ANO3: variants seen among roughly 807,000 people sequenced by gnomAD.
ANO3 encodes anoctamin 3.
A neutral mutation model predicts 144.8 loss-of-function variants in ANO3; 99 were observed. That is an observed-to-expected ratio of 0.68 (90% CI 0.58 to 0.81). The LOEUF is 0.81. Ranked by LOEUF, ANO3 falls within the 30% of genes least tolerant of loss-of-function variation. The pLI is 0.00. For missense variants in ANO3, 905 were observed against 1,202.2 expected, an observed-to-expected ratio of 0.75 and a Z score of 3.66; for synonymous variants, 414 against 392.6, an observed-to-expected ratio of 1.05 and a Z score of -0.64.
intron 1 of ANO3, among the ~76,000 whole-genome samples, chr11:26,229,942 A>T (rs563096077): frequency 2.0e-5 from 3 of 152,162 alleles, no homozygotes; most frequent in Non-Finnish European, 4.4e-5. Flanking sequence ...AGTAAAAATC[A>T]TTGTCACCCT....
chr11:26,196,185 C>G (rs1022309722), intron 1 of ANO3, among the ~76,000 whole-genome samples: 1 of 152,120 alleles, frequency 6.6e-6, no homozygotes, highest in African/African-American at 2.4e-5. Flanking sequence ...CAAATGCTCT[C>G]GAGAGTGAAT....
chr11:26,219,526 A>C (rs1852100092), intron 1 of ANO3, among the ~76,000 whole-genome samples: 1 of 152,180 alleles, frequency 6.6e-6, no homozygotes, highest in Non-Finnish European at 1.5e-5. Context: ...CCTTTTCTTC[A>C]AGACAATATA....
At chr11:26,581,124 A>G (rs1201560487) in intron 14 of ANO3, among the ~76,000 whole-genome samples, 1 of 152,210 alleles carries the variant, frequency 6.6e-6, no homozygotes, top group African/African-American at 2.4e-5. Flanking sequence ...TAACTTCCTC[A>G]CATAACTTAA....
At chr11:26,346,002 G>T (rs1855487542) in intron 1 of ANO3, among the ~76,000 whole-genome samples, 1 of 152,168 alleles carries the variant, frequency 6.6e-6, no homozygotes, top group Admixed American at 6.5e-5. Flanking sequence ...GTGGAGGAAA[G>T]GAACTGATAA....
chr11:26,543,997 G>C (rs1021413215), intron 11 of ANO3, among the ~76,000 whole-genome samples: 2 of 151,522 alleles, frequency 1.3e-5, no homozygotes, highest in African/African-American at 4.8e-5. Flanking sequence ...ATGATCACAA[G>C]AAATGATCAG....
At chr11:26,509,272 C>A (rs117249180) in intron 5 of ANO3, among the ~76,000 whole-genome samples, 1 of 152,042 alleles carries the variant, frequency 6.6e-6, no homozygotes, top group Non-Finnish European at 1.5e-5. Context: ...AAAAGAAAAT[C>A]AATTAACTAA....
At chr11:26,324,648 G>A (rs1044664321) in intron 1 of ANO3, among the ~76,000 whole-genome samples, 6 of 152,170 alleles carry the variant, frequency 3.9e-5, no homozygotes, top group Non-Finnish European at 8.8e-5. Flanking sequence ...TGTATATATA[G>A]TGAACACTTT....
chr11:26,434,391 G>A (rs191999668), intron 1 of ANO3, among the ~76,000 whole-genome samples: 6 of 151,960 alleles, frequency 3.9e-5, no homozygotes, highest in Admixed American at 6.6e-5. Flanking sequence ...TCCTGGATTC[G>A]TTGATCTTTT....
chr11:26,201,433 T>C (rs959816981), intron 1 of ANO3, among the ~76,000 whole-genome samples: 1 of 152,062 alleles, frequency 6.6e-6, no homozygotes, highest in African/African-American at 2.4e-5. Flanking sequence ...TTCAGGTAGA[T>C]TTTATTCTGC....
chr11:26,631,123 G>A (rs1412687959), intron 18 of ANO3, among the ~76,000 whole-genome samples: 1 of 151,774 alleles, frequency 6.6e-6, no homozygotes, highest in African/African-American at 2.4e-5. Flanking sequence ...TTATTGATAG[G>A]ATGTTTAGTA....
chr11:26,598,506 T>G, intron 15 of ANO3, 59 bp downstream of exon 15: 11 of 1,209,426 alleles, frequency 9.1e-6, no homozygotes, highest in Non-Finnish European at 1.3e-5. Flanking sequence ...TATGGAAAAT[T>G]ACTGCCCTAG....
At position 26,547,507 on chromosome 11, in the gene ANO3, G is replaced by A. The variant is rs566590577; in HGVS notation, c.1246G>A (p.Val416Ile). 173 of 1,611,938 alleles carry A rather than the reference G, an allele frequency of 1.1e-4. 2 individuals are homozygous for A. In the South Asian group the frequency reaches 1.6e-3, roughly 15 times the overall value. The change falls in exon 12 of 27, where the codon GTT (valine) becomes ATT (isoleucine). Residue 416 changes from valine (V) to isoleucine (I), a missense_variant. By Grantham distance (29) the Val-to-Ile change is conservative. This residue lies in a region of ANO3 where 597 missense variants were observed against 865.1 expected (regional missense o/e 0.69). Transcript: ENST00000256737. ...LIPAAIVGLC[V>I]FFYGLFTMNN... ...TCCTGCAGCAATTGTTGGTTTGTGCGTTTTCTTCTATGGATTATTTACAAT... is the reference window on the plus strand; with the variant it reads ...TCCTGCAGCAATTGTTGGTTTGTGCATTTTCTTCTATGGATTATTTACAAT...
At chr11:26,221,379 C>T (rs577120276) in intron 1 of ANO3, among the ~76,000 whole-genome samples, 4 of 152,252 alleles carry the variant, frequency 2.6e-5, no homozygotes, top group Admixed American at 2.6e-4. Context: ...GTCACTATAG[C>T]CTGTGACAGA....
At chr11:26,218,334 C>A (rs1852074406) in intron 1 of ANO3, among the ~76,000 whole-genome samples, 1 of 141,198 alleles carries the variant, frequency 7.1e-6, no homozygotes, top group South Asian at 2.3e-4. Flanking sequence ...CAATCTAGAA[C>A]CCTTGACTGG....
At chr11:26,565,076 C>A in intron 14 of ANO3, 2 of 1,285,170 alleles carry the variant, frequency 1.6e-6, no homozygotes, top group Non-Finnish European at 1.0e-6. Context: ...TCTGTTTTTC[C>A]AGCATGGTGA....
In ANO3 at chr11:26,502,458, C is replaced by T. The variant is rs1008864727; in HGVS notation, c.433-5646C>T. Among the ~76,000 whole-genome samples the T allele has an allele frequency of 2.0e-5, 3 of 152,230 alleles. No homozygotes were observed. In the East Asian group the frequency reaches 5.8e-4, roughly 29 times the overall value. On this transcript the variant is annotated intron_variant, in intron 4 of 26. Coordinates refer to ENST00000256737, the MANE Select transcript of ANO3 (RefSeq NM_031418.4). Reference sequence around the variant, plus strand: ...TATGTCTGAATACAGTTCTCAACACCTTAACCAGTGTGTCATACTACATTT... The same window carrying T: ...TATGTCTGAATACAGTTCTCAACACTTTAACCAGTGTGTCATACTACATTT...
chr11:26,308,688 A>T (rs1334592580), upstream of ANO3, among the ~76,000 whole-genome samples: 1 of 152,198 alleles, frequency 6.6e-6, no homozygotes, highest in Non-Finnish European at 1.5e-5. Context: ...GAACAGGGAA[A>T]AGAATACAGA....
intron 1 of ANO3, 139 bp from the exon 2 acceptor site, chr11:26,441,779 C>A (rs1858530572): frequency 3.3e-6 from 2 of 608,934 alleles, no homozygotes; most frequent in South Asian, 2.4e-5. Context: ...ATAAACAAGA[C>A]TAACTCAATT....
rs182800089 is a variant in ANO3, at chr11:26,422,053, A to T, written c.47-19865A>T. ...TCTCTGCAACAAATGCCCACGACAC[A>T]AGTTTACCTATGTAACAAACCTGAA... is the stretch of plus-strand genomic sequence containing the variant. On this transcript the variant is annotated intron_variant, in intron 1 of 26. Transcript: ENST00000256737. 2.0e-5 allele frequency among the ~76,000 whole-genome samples: 3 copies of T among 152,158 alleles called. No individual in the cohort carries two copies. In the East Asian group the frequency reaches 5.8e-4, roughly 29 times the overall value.
Sources: gnomAD v4.1 joint callset for allele counts (sites outside exome capture counted in the v4.1 genomes callset) on GRCh38, gnomAD v4.1.1 for gene constraint, gnomAD v4.1.1 regional missense constraint, MANE v1.5 for transcripts, NCBI Gene and HGNC (gene_info 2026-07-23, HGNC 2026-07-21) for gene names.